The following PACS1 variants were observed in gnomAD, a reference collection of about 807,000 sequenced individuals.
The protein encoded by PACS1 is PACS-1.
PACS1 carries 24 observed loss-of-function variants against 115.0 expected under a neutral mutation model. The observed-to-expected ratio is 0.21, with a 90% confidence interval of 0.15 to 0.29. The LOEUF (loss-of-function observed/expected upper bound fraction) is 0.29, where lower values mean the gene tolerates loss of function less well. Ranked by LOEUF, PACS1 falls within the 10% of genes least tolerant of loss-of-function variation. The pLI, the probability that PACS1 is intolerant of heterozygous loss-of-function variation, is 1.00. For missense variants in PACS1, 838 were observed against 1,251.2 expected, an observed-to-expected ratio of 0.67 and a Z score of 4.98; for synonymous variants, 453 against 504.5, an observed-to-expected ratio of 0.90 and a Z score of 1.37.
intron 1 of PACS1, among the ~76,000 whole-genome samples, chr11:66,137,665 G>A (rs1458428449): frequency 2.6e-5 from 4 of 152,110 alleles, no homozygotes; most frequent in Admixed American, 2.6e-4. Flanking sequence ...CATTATCCAG[G>A]CCATTGACCA....
intron 22 of PACS1, among the ~76,000 whole-genome samples, chr11:66,242,547 C>T (rs1855835883): frequency 6.6e-6 from 1 of 152,230 alleles, no homozygotes; most frequent in African/African-American, 2.4e-5. Context: ...AGGACAAACT[C>T]ATGCTGCACT....
chr11:66,176,360 A>G (rs971757062), intron 1 of PACS1, among the ~76,000 whole-genome samples: 2 of 151,790 alleles, frequency 1.3e-5, no homozygotes, highest in Non-Finnish European at 2.9e-5. Flanking sequence ...CTGCATTTTA[A>G]TGTTACTCCC....
intron 1 of PACS1, among the ~76,000 whole-genome samples, chr11:66,157,359 T>C (rs568209278): frequency 1.3e-5 from 2 of 152,280 alleles, no homozygotes; most frequent in East Asian, 3.9e-4. Context: ...GGTTTCAACT[T>C]CATCTGCTCC....
At chr11:66,130,719 C>T (rs994733508) in intron 1 of PACS1, among the ~76,000 whole-genome samples, 6 of 152,088 alleles carry the variant, frequency 3.9e-5, no homozygotes, top group African/African-American at 9.7e-5. Flanking sequence ...CTGTCTACTG[C>T]GTTTTATTTG....
chr11:66,101,835 C>T (rs1190733071), intron 1 of PACS1, among the ~76,000 whole-genome samples: 3 of 152,174 alleles, frequency 2.0e-5, no homozygotes, highest in African/African-American at 7.2e-5. Context: ...GGGGAGAGCT[C>T]TGTCTCGCTT....
chr11:66,128,682 G>A (rs1445667743), intron 1 of PACS1, among the ~76,000 whole-genome samples: 5 of 151,740 alleles, frequency 3.3e-5, no homozygotes, highest in Non-Finnish European at 7.4e-5. Context: ...TTAGGAGTTC[G>A]AGACCAGCCT....
intron 7 of PACS1, chr11:66,217,931 C>T (rs770696552): frequency 8.3e-6 from 2 of 241,976 alleles, no homozygotes; most frequent in Non-Finnish European, 8.2e-6. Flanking sequence ...CGTGGGGTCT[C>T]TTCCTTGGCA....
chr11:66,204,247 T>A (rs1031151820), intron 2 of PACS1, among the ~76,000 whole-genome samples: 3 of 152,122 alleles, frequency 2.0e-5, no homozygotes, highest in Admixed American at 2.0e-4. Flanking sequence ...AATAGACATC[T>A]CTCAAAAGAA....
intron 1 of PACS1, among the ~76,000 whole-genome samples, chr11:66,151,405 A>C (rs1859235809): frequency 6.6e-6 from 1 of 152,174 alleles, no homozygotes; most frequent in Non-Finnish European, 1.5e-5. Flanking sequence ...TCACAAGAAC[A>C]CAAAAGTCAC....
chr11:66,076,842 A>G (rs541295190), intron 1 of PACS1, among the ~76,000 whole-genome samples: 7 of 152,234 alleles, frequency 4.6e-5, no homozygotes, highest in East Asian at 1.9e-4. Context: ...TGATTTGCCA[A>G]CGTTGGTCTT....
At chr11:66,126,104 T>C (rs1858565776) in intron 1 of PACS1, among the ~76,000 whole-genome samples, 1 of 152,026 alleles carries the variant, frequency 6.6e-6, no homozygotes, top group Admixed American at 6.6e-5. Flanking sequence ...GCTTCAGTAG[T>C]CCACTTTATG....
chr11:66,158,990 G>A (rs1027730141), intron 1 of PACS1, among the ~76,000 whole-genome samples: 1 of 152,128 alleles, frequency 6.6e-6, no homozygotes, highest in Non-Finnish European at 1.5e-5. Flanking sequence ...ACATAAAAAT[G>A]ATCTAAAACA....
intron 1 of PACS1, among the ~76,000 whole-genome samples, chr11:66,140,735 A>T (rs1391059898): frequency 6.6e-6 from 1 of 152,078 alleles, no homozygotes; most frequent in Non-Finnish European, 1.5e-5. Context: ...CTTTCCAACT[A>T]TTTTTATGTA....
intron 1 of PACS1, among the ~76,000 whole-genome samples, chr11:66,180,399 G>C (rs1859980135): frequency 6.6e-6 from 1 of 151,734 alleles, no homozygotes. Context: ...TCTGTTGCCA[G>C]GCTGGAGTGC....
intron 1 of PACS1, among the ~76,000 whole-genome samples, chr11:66,095,437 C>T (rs919290639): frequency 2.6e-5 from 4 of 152,060 alleles, no homozygotes; most frequent in Admixed American, 2.0e-4. Flanking sequence ...TGAGTGAACT[C>T]CCATTCACAA....
Position 66,235,986 on chromosome 11 carries a change from T to G in PACS1, c.2250+46T>G. ...CTTGGCACCCCACCCGTTCTCCTGG[T>G]CTTCCTGTTCCCCCTTACACAGGAA... On this transcript the variant is annotated intron_variant, in intron 19 of 23. Transcript: ENST00000320580. This position sits in a 1 kb window ranked among gnomAD's most constrained non-coding sequence, Gnocchi z 5.6. The G allele has an allele frequency of 6.5e-7, 1 of 1,526,776 alleles. No homozygotes were observed. The highest frequency in any genetic ancestry group is 1.7e-4 in the Middle Eastern group (1 of 5,908). The allele number at this position is 1,526,776 out of a possible 1,614,324, so 94.6% of individuals were successfully genotyped here. A position where few individuals can be genotyped will look rare whatever the true frequency, so the allele number is the denominator to read the frequency against.
intron 1 of PACS1, among the ~76,000 whole-genome samples, chr11:66,182,361 T>A (rs1246887650): frequency 6.6e-6 from 1 of 152,246 alleles, no homozygotes; most frequent in Non-Finnish European, 1.5e-5. Context: ...TTCTGTTTAT[T>A]GTTTAGGCTT....
intron 10 of PACS1, among the ~76,000 whole-genome samples, chr11:66,223,295 T>C (rs1365165662): frequency 8.6e-5 from 13 of 152,014 alleles, no homozygotes; most frequent in Non-Finnish European, 2.9e-5. Flanking sequence ...GGTTTCTCCA[T>C]GTTGGCCAGG....
At chr11:66,081,333 CGT>C (rs1857474711) in intron 1 of PACS1, among the ~76,000 whole-genome samples, 1 of 152,116 alleles carries the variant, frequency 6.6e-6, no homozygotes, top group Non-Finnish European at 1.5e-5. Context: ...ACATGTTAAT[CGT>C]GTGTGTGGCA....
Sources: gnomAD v4.1 joint callset for allele counts (sites outside exome capture counted in the v4.1 genomes callset) on GRCh38, gnomAD v4.1.1 for gene constraint, Gnocchi (gnomAD v3.1) non-coding constraint, MANE v1.5 for transcripts, NCBI Gene and HGNC (gene_info 2026-07-23, HGNC 2026-07-21) for gene names.